MTMR10: variants seen among roughly 807,000 people sequenced by gnomAD.
MTMR10 encodes the protein myotubularin-related protein 10.
MTMR10 carries 56 observed loss-of-function variants against 88.1 expected under a neutral mutation model. The observed-to-expected ratio is 0.64, with a 90% confidence interval of 0.51 to 0.79. MTMR10 has a LOEUF of 0.79. MTMR10 is among the 30% of genes least tolerant of loss of function. The pLI is 0.00. For missense variants in MTMR10, 883 were observed against 924.7 expected (o/e 0.95, Z 0.58); for synonymous variants, 380 against 340.9 (o/e 1.11, Z -1.26).
intron 6 of MTMR10, among the ~76,000 whole-genome samples, chr15:30,963,852 A>AT (rs1312748104): frequency 5.3e-5 from 8 of 152,214 alleles, no homozygotes; most frequent in Non-Finnish European, 1.0e-4. Flanking sequence ...GCAAAGCCCA[A>AT]TCTATACAGT....
At chr15:30,957,287 T>G (rs1481631275) in intron 9 of MTMR10, among the ~76,000 whole-genome samples, 1 of 152,190 alleles carries the variant, frequency 6.6e-6, no homozygotes, top group Non-Finnish European at 1.5e-5. Context: ...GTAATCAAAC[T>G]GTAACACACA....
At chr15:30,946,854 A>G (rs1259120803) in intron 14 of MTMR10, 3 of 655,706 alleles carry the variant, frequency 4.6e-6, no homozygotes, top group Admixed American at 4.9e-5. Flanking sequence ...TATAAATACA[A>G]AAGCATGACA....
chr15:30,990,073 T>C (rs955194967), intron 2 of MTMR10, among the ~76,000 whole-genome samples: 5 of 152,184 alleles, frequency 3.3e-5, no homozygotes, highest in African/African-American at 4.8e-5. Context: ...AGGTCACCTA[T>C]AGCAAATTTT....
intron 5 of MTMR10, among the ~76,000 whole-genome samples, chr15:30,968,534 AACACACACACACACACAC>A (rs61503155): frequency 1.0e-4 from 15 of 143,074 alleles, no homozygotes; most frequent in African/African-American, 1.6e-4. Flanking sequence ...TCAAAAAAAC[AACACACACACACACACAC>A]ACACACACAC....
At chr15:30,983,074 G>A (rs997832485) in intron 2 of MTMR10, among the ~76,000 whole-genome samples, 4 of 152,162 alleles carry the variant, frequency 2.6e-5, no homozygotes, top group Non-Finnish European at 5.9e-5. Context: ...GAGACTATAC[G>A]CCTGTGCTTT....
At chr15:30,945,612 CA>C (rs1484007581) in intron 14 of MTMR10, among the ~76,000 whole-genome samples, 4 of 152,116 alleles carry the variant, frequency 2.6e-5, no homozygotes, top group Non-Finnish European at 4.4e-5. Flanking sequence ...CAAACAAGGC[CA>C]GGGGGAAAGC....
the MTMR10 span, chr15:30,926,606 AG>A: frequency 2.0e-6 from 2 of 985,036 alleles, no homozygotes; most frequent in South Asian, 9.4e-5. Flanking sequence ...TATTACTTAC[AG>A]GGAAGGGTGA....
At chr15:30,959,154 G>A (rs776992786) in intron 7 of MTMR10, 33 bp from the exon 8 acceptor site, 16 of 1,530,092 alleles carry the variant, frequency 1.0e-5, no homozygotes. Flanking sequence ...TATGAGTGCT[G>A]TGCTAAAAGC....
At chr15:30,962,375 C>A (rs2063413622) in intron 6 of MTMR10, among the ~76,000 whole-genome samples, 1 of 152,214 alleles carries the variant, frequency 6.6e-6, no homozygotes, top group Admixed American at 6.5e-5. Flanking sequence ...TCCCAGCTGG[C>A]ATCCCCAATG....
At chr15:30,955,417 C>T (rs1271515351) in intron 9 of MTMR10, among the ~76,000 whole-genome samples, 1 of 152,144 alleles carries the variant, frequency 6.6e-6, no homozygotes, top group African/African-American at 2.4e-5. Context: ...ATTACAGGCA[C>T]CCGCCACCAC....
the MTMR10 span, chr15:30,928,208 C>G: frequency 2.9e-6 from 3 of 1,032,538 alleles, no homozygotes; most frequent in Non-Finnish European, 3.5e-6. Flanking sequence ...TAAGTCCCAG[C>G]CTTGGGAACC....
chr15:30,968,098 T>A, intron 5 of MTMR10, 88 bp from the exon 6 acceptor site: 1 of 923,610 alleles, frequency 1.1e-6, no homozygotes, highest in Non-Finnish European at 1.7e-6. Context: ...GGGAGCATCA[T>A]CTTGGGGCAG....
At chr15:30,953,826 T>C (rs1030355022) in intron 10 of MTMR10, among the ~76,000 whole-genome samples, 195 bp from the exon 11 acceptor site, 8 of 152,220 alleles carry the variant, frequency 5.3e-5, no homozygotes, top group African/African-American at 1.9e-4. Flanking sequence ...AGCATTCCCC[T>C]GGGGCTCCAT....
chr15:30,954,019 C>T (rs1355094777), intron 10 of MTMR10, among the ~76,000 whole-genome samples: 2 of 152,226 alleles, frequency 1.3e-5, no homozygotes, highest in Non-Finnish European at 2.9e-5. Flanking sequence ...CTCCTGCTTC[C>T]CTGCCCCACC....
rs2063013107 is a variant in MTMR10, at chr15:30,940,624, A to G, written c.*846T>C. 1.0e-6 allele frequency: 1 copy of G among 985,696 alleles called. No homozygotes were observed. The highest frequency in any genetic ancestry group is 4.7e-5 in the South Asian group (1 of 21,292). The allele number at this position is 985,696 out of a possible 1,614,324, so 61.1% of individuals were successfully genotyped here. A position where few individuals can be genotyped will look rare whatever the true frequency, so the allele number is the denominator to read the frequency against. ...TGGCATAGATGGCACTCTCCTGTCTACAGCATACACCTCTGTGGAATCAGC... is the reference window on the plus strand; with the variant it reads ...TGGCATAGATGGCACTCTCCTGTCTGCAGCATACACCTCTGTGGAATCAGC... On this transcript the variant is annotated 3_prime_UTR_variant, in exon 16 of 16. Coordinates refer to ENST00000435680, the MANE Select transcript of MTMR10 (RefSeq NM_017762.3).
rs1372327300 is a variant in MTMR10 at position 30,984,642 on chromosome 15, A to G, written c.121+6135T>C. Among the ~76,000 whole-genome samples the G allele has an allele frequency of 2.6e-5, 4 of 152,276 alleles. No individual in the cohort carries two copies. In the East Asian group the frequency reaches 5.8e-4, roughly 22 times the overall value. ...ACAAGACATCTATACAACAATGGCT[A>G]TTTTCATTTCCCAGATGGCCCATGG... On this transcript the variant is annotated intron_variant, in intron 2 of 15. Coordinates refer to ENST00000435680, the MANE Select transcript of MTMR10 (RefSeq NM_017762.3).
chr15:30,937,026 A>AT, downstream of MTMR10: 1 of 982,358 alleles, frequency 1.0e-6, no homozygotes, highest in Non-Finnish European at 1.6e-6. Flanking sequence ...CAGAAGAGCC[A>AT]TTTAAATAGT....
chr15:30,942,238 G>GAATT (rs1212684003), intron 15 of MTMR10, 166 bp from the exon 16 acceptor site: 19 of 869,226 alleles, frequency 2.2e-5, no homozygotes, highest in Middle Eastern at 3.6e-4. Context: ...TCCTCCCCTG[G>GAATT]AATTACACTT....
At chr15:30,958,049 G>A (rs1166015191) in intron 9 of MTMR10, among the ~76,000 whole-genome samples, 5 of 152,210 alleles carry the variant, frequency 3.3e-5, no homozygotes, top group African/African-American at 9.6e-5. Context: ...AGAGCAGGCT[G>A]GGGGAGGGCA....
Sources: gnomAD v4.1 joint callset for allele counts (sites outside exome capture counted in the v4.1 genomes callset) on GRCh38, gnomAD v4.1.1 for gene constraint, MANE v1.5 for transcripts, NCBI Gene and HGNC (gene_info 2026-07-23, HGNC 2026-07-21) for gene names.